KLF8: variants seen among roughly 807,000 people sequenced by gnomAD.
KLF8 encodes KLF transcription factor 8.
Under a neutral mutation model 18.2 loss-of-function variants are expected in KLF8, and 10 were observed. That is an observed-to-expected ratio of 0.55 (90% CI 0.34 to 0.93). The LOEUF is 0.93. Ranked by LOEUF, KLF8 falls within the 40% of genes least tolerant of loss-of-function variation. The pLI, the probability that KLF8 is intolerant of heterozygous loss-of-function variation, is 0.02. For missense variants in KLF8, 264 were observed against 277.9 expected (o/e 0.95, Z 0.36); for synonymous variants, 109 against 97.3 (o/e 1.12, Z -0.71).
At chrX:56,090,995 A>G in the KLF8 span, among the ~76,000 whole-genome samples, 14,222 of 111,753 alleles carry the variant, frequency 0.13, 1,627 homozygotes, top group African/African-American at 0.37. Context: ...GTTTACACAT[A>G]CCACGTTTTC....
intron 1 of KLF8, chrX:56,242,858 A>C: frequency 3.0e-6 from 1 of 337,220 alleles, no homozygotes; most frequent in East Asian, 6.7e-5. Context: ...GGAAAACTAC[A>C]GGGGTTTTCT....
chrX:56,069,463 T>C, the KLF8 span, among the ~76,000 whole-genome samples: 2 of 111,267 alleles, frequency 1.8e-5, no homozygotes, highest in Non-Finnish European at 3.8e-5. Flanking sequence ...GTAAGCCCGC[T>C]TCTGTGGAAA....
the KLF8 span, among the ~76,000 whole-genome samples, chrX:56,092,775 AG>A: frequency 9.1e-6 from 1 of 110,013 alleles, no homozygotes; most frequent in African/African-American, 3.3e-5. Flanking sequence ...TAATATTCAA[AG>A]GGCTCTAATG....
the KLF8 span, among the ~76,000 whole-genome samples, chrX:56,120,602 C>G: frequency 9.0e-6 from 1 of 111,573 alleles, no homozygotes; most frequent in Non-Finnish European, 1.9e-5. Context: ...TCTCTTAGGC[C>G]TTGGGATGAG....
chrX:55,924,434 T>G, the KLF8 span, among the ~76,000 whole-genome samples: 4 of 111,199 alleles, frequency 3.6e-5, no homozygotes, highest in Non-Finnish European at 7.5e-5. Context: ...AATGTGACAG[T>G]TTATGACCAT....
At chrX:56,137,715 C>T in the KLF8 span, among the ~76,000 whole-genome samples, 1 of 105,499 alleles carries the variant, frequency 9.5e-6, no homozygotes, top group Non-Finnish European at 1.9e-5. Flanking sequence ...AACTAACCTG[C>T]ACAATGTGCA....
At chrX:56,021,900 C>A in the KLF8 span, among the ~76,000 whole-genome samples, 1 of 108,715 alleles carries the variant, frequency 9.2e-6, no homozygotes, top group African/African-American at 3.4e-5. Flanking sequence ...TACTTCATAG[C>A]CTCATTCAGT....
At chrX:56,133,694 G>A in the KLF8 span, among the ~76,000 whole-genome samples, 3 of 111,465 alleles carry the variant, frequency 2.7e-5, no homozygotes, top group Non-Finnish European at 5.7e-5. Flanking sequence ...GAAATAAAAG[G>A]AATCCAAATT....
chrX:55,999,905 T>A, the KLF8 span, among the ~76,000 whole-genome samples: 1 of 112,189 alleles, frequency 8.9e-6, no homozygotes, highest in Non-Finnish European at 1.9e-5. Flanking sequence ...CAAAGTGGGC[T>A]TCCTTGTCTT....
the KLF8 span, among the ~76,000 whole-genome samples, chrX:56,189,002 A>G: frequency 8.9e-6 from 1 of 111,894 alleles, no homozygotes; most frequent in East Asian, 2.8e-4. Context: ...ATGGCAACAA[A>G]AGCAAAAATT....
the KLF8 span, among the ~76,000 whole-genome samples, chrX:56,049,224 T>A: frequency 2.5e-4 from 28 of 111,619 alleles, no homozygotes; most frequent in Admixed American, 2.7e-3. Flanking sequence ...AGGGACAATT[T>A]GACTTCCTCT....
At chrX:56,137,111 T>G in the KLF8 span, among the ~76,000 whole-genome samples, 375 of 107,921 alleles carry the variant, frequency 3.5e-3, 2 homozygotes, top group East Asian at 0.012. Context: ...AACAACAGGT[T>G]CTGGAGAGGA....
the KLF8 span, among the ~76,000 whole-genome samples, chrX:56,176,600 G>A: frequency 3.6e-5 from 4 of 110,575 alleles, no homozygotes; most frequent in Non-Finnish European, 7.5e-5. Flanking sequence ...CTCTTCTCGA[G>A]GAATATCTTT....
At chrX:56,215,817 T>C in the KLF8 span, among the ~76,000 whole-genome samples, 1 of 43,255 alleles carries the variant, frequency 2.3e-5, no homozygotes, top group Admixed American at 4.9e-4. Context: ...GGTGAGACTC[T>C]GTCTCAAAAA....
the KLF8 span, among the ~76,000 whole-genome samples, chrX:56,085,967 G>T: frequency 8.9e-6 from 1 of 111,885 alleles, no homozygotes; most frequent in African/African-American, 3.2e-5. Flanking sequence ...ACCTCAGTAG[G>T]TTTTCCATTT....
At chrX:56,064,259 A>G in the KLF8 span, among the ~76,000 whole-genome samples, 3 of 108,020 alleles carry the variant, frequency 2.8e-5, no homozygotes, top group African/African-American at 6.7e-5. Context: ...TGCTGAATTT[A>G]TTATTTTATT....
chrX:55,994,046 G>A, the KLF8 span, among the ~76,000 whole-genome samples: 1 of 108,738 alleles, frequency 9.2e-6, no homozygotes, highest in African/African-American at 3.4e-5. Context: ...GAGTAGCTGG[G>A]ACTACAGGTG....
the KLF8 span, among the ~76,000 whole-genome samples, chrX:56,091,979 GTTTT>G: frequency 4.6e-3 from 373 of 81,036 alleles, no homozygotes; most frequent in African/African-American, 0.016. Context: ...AACATCTATT[GTTTT>G]TTTTTTTTTT....
At chrX:55,936,824 G>T in the KLF8 span, among the ~76,000 whole-genome samples, 1 of 101,021 alleles carries the variant, frequency 9.9e-6, no homozygotes, top group South Asian at 4.8e-4. Flanking sequence ...CAGTGAGGCT[G>T]GGGGAGGGGC....
Sources: gnomAD v4.1 joint callset for allele counts (sites outside exome capture counted in the v4.1 genomes callset) on GRCh38, gnomAD v4.1.1 for gene constraint, MANE v1.5 for transcripts, NCBI Gene and HGNC (gene_info 2026-07-23, HGNC 2026-07-21) for gene names.